Variants in HDAC9 observed in about 807,000 individuals in gnomAD.
The protein encoded by HDAC9 is MEF-2 interacting transcription repressor (MITR) protein.
A neutral mutation model predicts 139.4 loss-of-function variants in HDAC9; 41 were observed. The ratio of observed to expected loss-of-function variants is 0.29; its 90% CI spans 0.23 to 0.38. The LOEUF is 0.38. Among genes scored for constraint, HDAC9 ranks in the 10% least tolerant of loss-of-function variants. HDAC9 has a pLI of 1.00. For missense variants in HDAC9, 1,147 were observed against 1,297.0 expected, an observed-to-expected ratio of 0.88 and a Z score of 1.78; for synonymous variants, 517 against 476.2, an observed-to-expected ratio of 1.09 and a Z score of -1.12.
At chr7:18,306,113 T>G (rs938551051) in intron 1 of HDAC9, among the ~76,000 whole-genome samples, 2 of 152,110 alleles carry the variant, frequency 1.3e-5, no homozygotes, top group Non-Finnish European at 2.9e-5. Context: ...TGTTATCAAG[T>G]AAGTTGGTGT....
At chr7:18,478,509 C>T (rs2128125810) in intron 1 of HDAC9, among the ~76,000 whole-genome samples, 1 of 152,072 alleles carries the variant, frequency 6.6e-6, no homozygotes, top group East Asian at 1.9e-4. Context: ...TTTCAGATGC[C>T]ATAGTAATTT....
At chr7:18,150,727 C>T (rs1305996878) in intron 1 of HDAC9, among the ~76,000 whole-genome samples, 1 of 152,188 alleles carries the variant, frequency 6.6e-6, no homozygotes, top group Non-Finnish European at 1.5e-5. Flanking sequence ...ACTCACTAAA[C>T]AGGTTTTATT....
intron 11 of HDAC9, among the ~76,000 whole-genome samples, chr7:18,653,874 C>G (rs181554953): frequency 1.8e-4 from 28 of 152,202 alleles, no homozygotes; most frequent in Admixed American, 1.8e-3. Context: ...TATATATTCT[C>G]TGAAATCCTC....
At chr7:18,131,405 C>G (rs1475035158) in intron 1 of HDAC9, among the ~76,000 whole-genome samples, 1 of 152,086 alleles carries the variant, frequency 6.6e-6, no homozygotes, top group Non-Finnish European at 1.5e-5. Flanking sequence ...GGTTAAAGAA[C>G]GAGTTTAGTA....
intron 1 of HDAC9, among the ~76,000 whole-genome samples, chr7:18,090,472 C>A (rs1239700306): frequency 1.3e-5 from 2 of 152,180 alleles, no homozygotes; most frequent in African/African-American, 4.8e-5. Context: ...TTTGTTCTTG[C>A]AATCAATCCA....
At chr7:18,629,759 C>T (rs926130067) in intron 7 of HDAC9, among the ~76,000 whole-genome samples, 2 of 152,052 alleles carry the variant, frequency 1.3e-5, no homozygotes, top group Non-Finnish European at 2.9e-5. Flanking sequence ...AACAGGCAGT[C>T]CATTTTGGGA....
At chr7:18,724,746 T>C (rs1324590234) in intron 12 of HDAC9, among the ~76,000 whole-genome samples, 1 of 152,192 alleles carries the variant, frequency 6.6e-6, no homozygotes, top group Non-Finnish European at 1.5e-5. Flanking sequence ...TGTTATGGAA[T>C]GCATGGCTGT....
chr7:18,628,794 A>T (rs544061820), intron 6 of HDAC9, among the ~76,000 whole-genome samples: 2 of 152,128 alleles, frequency 1.3e-5, no homozygotes, highest in Non-Finnish European at 2.9e-5. Flanking sequence ...GTTTGGTGTC[A>T]TTACACTGAG....
intron 1 of HDAC9, among the ~76,000 whole-genome samples, chr7:18,318,331 A>T (rs1400633685): frequency 6.6e-6 from 1 of 152,238 alleles, no homozygotes; most frequent in African/African-American, 2.4e-5. Context: ...TTTAAAAAAT[A>T]TGAAATCCTT....
At chr7:18,510,370 T>C (rs1033841763) in intron 2 of HDAC9, among the ~76,000 whole-genome samples, 3 of 152,138 alleles carry the variant, frequency 2.0e-5, no homozygotes, top group African/African-American at 7.2e-5. Flanking sequence ...AAATGCATAC[T>C]TTTTTTAATC....
At chr7:18,448,103 G>A (rs1236842247) in intron 1 of HDAC9, among the ~76,000 whole-genome samples, 1 of 152,146 alleles carries the variant, frequency 6.6e-6, no homozygotes, top group African/African-American at 2.4e-5. Context: ...GGCCTCAAGT[G>A]ATCCACCCAC....
At chr7:18,482,356 C>T in intron 1 of HDAC9, among the ~76,000 whole-genome samples, 1 of 81,238 alleles carries the variant, frequency 1.2e-5, no homozygotes. Flanking sequence ...CCAGCCTGGG[C>T]AACATAGTAA....
chr7:18,749,139 G>A lies in HDAC9; in HGVS notation c.2043+1G>A. 1 of 1,613,354 alleles carries A rather than the reference G, an allele frequency of 6.2e-7. No homozygotes were observed. Among genetic ancestry groups the A allele is most frequent in the Non-Finnish European group, 8.5e-7 (1 of 1,179,632 alleles). On this transcript the variant is annotated splice_donor_variant, in intron 14 of 25. Coordinates refer to ENST00000686413, the MANE Select transcript of HDAC9 (RefSeq NM_178425.4). LOFTEE classifies it high-confidence loss of function. The stretch of plus-strand genomic sequence containing the variant: ...AACTGGGCTGCTAAATAAATGTGAG[G>A]TAATCCAGAATTGGACACACTCTTT...
At chr7:18,277,734 T>A (rs1316620461) in intron 2 of HDAC9, among the ~76,000 whole-genome samples, 1 of 152,292 alleles carries the variant, frequency 6.6e-6, no homozygotes, top group East Asian at 1.9e-4. Context: ...TATTTTCAGG[T>A]CCCATGGTCA....
At chr7:18,972,369 C>CT (rs199909134) in intron 24 of HDAC9, among the ~76,000 whole-genome samples, 2,431 of 94,764 alleles carry the variant, frequency 0.026, 327 homozygotes, top group Middle Eastern at 0.037. Flanking sequence ...ATGAACTTCT[C>CT]TTTTTTTTTT....
chr7:18,625,991 T>G (rs6461381), intron 6 of HDAC9, among the ~76,000 whole-genome samples: 1,756 of 149,736 alleles, frequency 0.012, 21 homozygotes, highest in African/African-American at 0.041. Flanking sequence ...TAGGACTATA[T>G]TAATCAGGAT....
intron 2 of HDAC9, among the ~76,000 whole-genome samples, chr7:18,584,624 A>T (rs1333164195): frequency 6.6e-6 from 1 of 152,162 alleles, no homozygotes; most frequent in African/African-American, 2.4e-5. Context: ...TTTAGGAATG[A>T]GGTAGCTGAG....
chr7:18,953,802 C>G lies in HDAC9; in HGVS notation c.2938-344C>G, dbSNP rs866523984. Reference sequence around the variant, plus strand: ...TTCCCTGAGGTTTTGTTTGCAGGGCCCAGCTGCATATACAGACATGATGGA... The same window carrying G: ...TTCCCTGAGGTTTTGTTTGCAGGGCGCAGCTGCATATACAGACATGATGGA... On this transcript the variant is annotated intron_variant, in intron 23 of 25. Transcript: ENST00000686413. 9.1e-4 allele frequency among the ~76,000 whole-genome samples: 138 copies of G among 152,060 alleles called. 4 individuals carry two copies. In the Middle Eastern group the frequency reaches 0.014, roughly 15 times the overall value.
chr7:18,865,647 A>T (rs1290513145), intron 21 of HDAC9, among the ~76,000 whole-genome samples: 1 of 152,158 alleles, frequency 6.6e-6, no homozygotes, highest in Non-Finnish European at 1.5e-5. Context: ...CTGCAGCACT[A>T]GCAGCCACAA....
Sources: gnomAD v4.1 joint callset for allele counts (sites outside exome capture counted in the v4.1 genomes callset) on GRCh38, gnomAD v4.1.1 for gene constraint, MANE v1.5 for transcripts, NCBI Gene and HGNC (gene_info 2026-07-23, HGNC 2026-07-21) for gene names.